The following TVP23C variants were observed in gnomAD, a reference collection of about 807,000 sequenced individuals.
The protein encoded by TVP23C is trans-golgi network vesicle protein 23 homolog C.
Under a neutral mutation model 28.7 loss-of-function variants are expected in TVP23C, and 19 were observed. That is an observed-to-expected ratio of 0.66 (90% CI 0.46 to 0.97). The LOEUF is 0.97. Among genes scored for constraint, TVP23C ranks in the 50% least tolerant of loss-of-function variants. The pLI, the probability that TVP23C is intolerant of heterozygous loss-of-function variation, is 0.00. For synonymous variants in TVP23C, 68 were observed against 81.7 expected (o/e 0.83, Z 0.90); for missense variants, 186 against 241.3 (o/e 0.77, Z 1.52).
Position 15,560,680 on chromosome 17 carries a change from C to T in TVP23C, c.12+2757G>A, listed in dbSNP as rs542856350. The stretch of plus-strand genomic sequence containing the variant: ...ACGCCATTCTCCTGCCTCAGCTTCC[C>T]GAGTAGCTGGGACTACAGCTGCCCA... On this transcript the variant is annotated intron_variant, in intron 1 of 5. Transcript: ENST00000518321. 1.8e-4 allele frequency among the ~76,000 whole-genome samples: 27 copies of T among 148,658 alleles called. No individual in the cohort carries two copies. The East Asian group carries it at 5.1e-3, about 28-fold the overall frequency.
chr17:15,517,143 C>G (rs923104940), intron 5 of TVP23C, among the ~76,000 whole-genome samples: 1 of 152,344 alleles, frequency 6.6e-6, no homozygotes, highest in South Asian at 2.1e-4. Flanking sequence ...ATGGGACATG[C>G]CTTTTTGTGG....
At chr17:15,507,370 T>A in intron 5 of TVP23C, 1 of 690,922 alleles carries the variant, frequency 1.4e-6, no homozygotes, top group Non-Finnish European at 2.6e-6. Context: ...ACTTACGCTT[T>A]ATCTTAACCA....
chr17:15,553,557 T>C (rs1983990364), intron 3 of TVP23C, 128 bp downstream of exon 3: 4 of 1,105,218 alleles, frequency 3.6e-6, no homozygotes, highest in Non-Finnish European at 3.6e-6. Context: ...CAATTTGATA[T>C]ATCTAGCACT....
At chr17:15,513,650 A>G (rs1982096919) in intron 5 of TVP23C, among the ~76,000 whole-genome samples, 2 of 152,192 alleles carry the variant, frequency 1.3e-5, no homozygotes, top group African/African-American at 4.8e-5. Flanking sequence ...AGCAGGACAA[A>G]GGGTTCTTTT....
intron 5 of TVP23C, among the ~76,000 whole-genome samples, chr17:15,529,467 CTTAATTG>C (rs1183643719): frequency 2.6e-5 from 4 of 151,832 alleles, no homozygotes; most frequent in African/African-American, 9.7e-5. Context: ...AAAAAAGTAA[CTTAATTG>C]TTAATAATTA....
At chr17:15,521,028 T>A (rs561789695) in intron 5 of TVP23C, among the ~76,000 whole-genome samples, 1 of 151,730 alleles carries the variant, frequency 6.6e-6, no homozygotes, top group Non-Finnish European at 1.5e-5. Context: ...AAGACCTCTA[T>A]AGAGAAAATT....
intron 5 of TVP23C, among the ~76,000 whole-genome samples, chr17:15,517,270 T>C (rs1204031806): frequency 6.6e-6 from 1 of 152,224 alleles, no homozygotes; most frequent in Non-Finnish European, 1.5e-5. Context: ...CAGTCCTAAA[T>C]GTACCTTACT....
At position 15,539,737 on chromosome 17, in the gene TVP23C, G is replaced by A; in HGVS notation, c.*675C>T. The A allele has an allele frequency of 1.0e-6, 1 of 985,074 alleles. No homozygotes were observed. Among genetic ancestry groups the A allele is most frequent in the East Asian group, 1.1e-4 (1 of 8,810 alleles). The allele number at this position is 985,074 out of a possible 1,614,324, so 61.0% of individuals were successfully genotyped here. A position where few individuals can be genotyped will look rare whatever the true frequency, so the allele number is the denominator to read the frequency against. On this transcript the variant is annotated 3_prime_UTR_variant, in exon 6 of 6. Transcript: ENST00000518321. Reference sequence around the variant, plus strand: ...TAGTAAAATCCTTATGTTCTAGGGGGAAAAAAACATCTGAGTACAAATGTT... The same window carrying A: ...TAGTAAAATCCTTATGTTCTAGGGGAAAAAAAACATCTGAGTACAAATGTT...
chr17:15,561,618 G>GAATAAATAAATA (rs1293031251), intron 1 of TVP23C, among the ~76,000 whole-genome samples: 1 of 121,858 alleles, frequency 8.2e-6, no homozygotes, highest in Non-Finnish European at 1.8e-5. Flanking sequence ...ATGAATGAAT[G>GAATAAATAAATA]AATGAATGAA....
At chr17:15,502,720 CTCTCTCTCTCTT>C (rs1981505224) in exon 6 of TVP23C, 1 of 1,093,916 alleles carries the variant, frequency 9.1e-7, no homozygotes, top group African/African-American at 1.7e-5. Flanking sequence ...TCTCTCTCTC[CTCTCTCTCTCTT>C]TCTCTCTCCT....
chr17:15,506,988 T>G lies in TVP23C; in HGVS notation c.463-3756A>C. The G allele has an allele frequency of 2.3e-6, 3 of 1,293,368 alleles. No homozygotes were observed. The South Asian group carries it at 3.5e-5, about 15-fold the overall frequency. 80.1% of individuals were successfully genotyped at this position (1,293,368 alleles called of 1,614,324 possible). On this transcript the variant is annotated intron_variant, in intron 5 of 5. Coordinates refer to the TVP23C transcript ENST00000225576. ...CAGAAAACTTTCATGCTCTAAGCAC[T>G]GGAGAGAAAGGATTTGGTTATAAGG...
intron 5 of TVP23C, among the ~76,000 whole-genome samples, chr17:15,515,283 T>C (rs1982176128): frequency 6.6e-6 from 1 of 152,110 alleles, no homozygotes; most frequent in Admixed American, 6.5e-5. Context: ...AATTACACCC[T>C]CCTACCTGAT....
intron 5 of TVP23C, among the ~76,000 whole-genome samples, chr17:15,524,066 GT>G (rs1567634729): frequency 6.3e-3 from 255 of 40,230 alleles, no homozygotes; most frequent in African/African-American, 0.024. Flanking sequence ...AGAGTGGGGT[GT>G]GTGTGTGTGT....
At chr17:15,529,786 T>C (rs1982877529) in intron 5 of TVP23C, among the ~76,000 whole-genome samples, 1 of 152,094 alleles carries the variant, frequency 6.6e-6, no homozygotes, top group Non-Finnish European at 1.5e-5. Flanking sequence ...TCATGTTTTT[T>C]GCCAATCTGT....
chr17:15,554,414 T>C (rs1984038637), intron 2 of TVP23C, among the ~76,000 whole-genome samples: 1 of 151,970 alleles, frequency 6.6e-6, no homozygotes, highest in Admixed American at 6.6e-5. Context: ...ATTTTTTGTA[T>C]TTTTAGTAGA....
At chr17:15,503,096 A>C (rs1165606888) in exon 6 of TVP23C, 2 of 1,614,002 alleles carry the variant, frequency 1.2e-6, no homozygotes, top group Admixed American at 1.7e-5. Flanking sequence ...ATTAATGTCT[A>C]CCTGATGAAA....
chr17:15,508,462 A>G (rs1179931850), intron 5 of TVP23C, among the ~76,000 whole-genome samples: 1 of 152,216 alleles, frequency 6.6e-6, no homozygotes, highest in Non-Finnish European at 1.5e-5. Flanking sequence ...CATCCCGCTC[A>G]GGTCCTGCAG....
In TVP23C at chr17:15,539,216, T is replaced by C. The variant is rs1983294972; in HGVS notation, c.*1196A>G. On this transcript the variant is annotated 3_prime_UTR_variant, in exon 6 of 6. Transcript: ENST00000518321. ...ACCCAGCAATCTTGTGCCCTCTAGG[T>C]GATTCTCATGTATGTTCGAGTTTAA... 2.0e-6 allele frequency: 2 copies of C among 977,668 alleles called. No homozygotes were observed. Among genetic ancestry groups the C allele is most frequent in the Non-Finnish European group, 2.4e-6 (2 of 823,004 alleles). 60.6% of individuals were successfully genotyped at this position (977,668 alleles called of 1,614,324 possible).
chr17:15,502,826 CTCT>C, exon 6 of TVP23C: 1 of 1,536,962 alleles, frequency 6.5e-7, no homozygotes. Context: ...CTCTCTCTCT[CTCT>C]CTCCTGCGAG....
Sources: allele counts gnomAD v4.1 joint callset (sites outside exome capture counted in the v4.1 genomes callset), GRCh38; gene constraint gnomAD v4.1.1; transcripts MANE v1.5; gene names NCBI Gene and HGNC (gene_info 2026-07-23, HGNC 2026-07-21).